The following GRIK5 variants were observed in gnomAD, a reference collection of about 807,000 sequenced individuals.
The protein encoded by GRIK5 is glutamate ionotropic receptor kainate type subunit 5.
GRIK5 carries 43 observed loss-of-function variants against 97.4 expected under a neutral mutation model. That is an observed-to-expected ratio of 0.44 (90% CI 0.35 to 0.57). The LOEUF is 0.57. Ranked by LOEUF, GRIK5 falls within the 20% of genes least tolerant of loss-of-function variation. The pLI, the probability that GRIK5 is intolerant of heterozygous loss-of-function variation, is 0.01. For synonymous variants in GRIK5, 580 were observed against 583.5 expected (o/e 0.99, Z 0.09); for missense variants, 1,015 against 1,382.0 (o/e 0.73, Z 4.21).
Position 42,062,465 on chromosome 19 carries a change from CAA to C in GRIK5, c.508+21_508+22del. The C allele has an allele frequency of 6.2e-7, 1 of 1,613,064 alleles. No homozygotes were observed. The highest frequency in any genetic ancestry group is 8.5e-7 in the Non-Finnish European group (1 of 1,179,318). On this transcript the variant is annotated intron_variant, in intron 5 of 19. Coordinates refer to ENST00000593562, the MANE Select transcript of GRIK5 (RefSeq NM_002088.5). This position sits in a 1 kb window ranked among gnomAD's most constrained non-coding sequence, Gnocchi z 5.3. ...AAGGGGTGTCTGGGGGAACAGAAAA[CAA>C]AACATTCAGTTCTCCCTCACACTCA...
chr19:42,046,950 C>G (rs113505837), intron 11 of GRIK5, among the ~76,000 whole-genome samples: 3 of 152,004 alleles, frequency 2.0e-5, no homozygotes, highest in Admixed American at 6.6e-5. Context: ...TGTAGTGGTG[C>G]AATCTCGGCT....
At position 42,021,399 on chromosome 19, in the gene GRIK5, C is replaced by T. The variant is rs759135614; in HGVS notation, c.1773G>A (p.Thr591=). ...ARPHILENQY[T]LGNSLWFPVG... is the part of the protein sequence containing the mutation. Reference sequence around the variant, plus strand: ...CGGGAAACCACAGGCTGTTGCCCAGCGTGTACTGGTTCTCCAGGATGTGGG... The same window carrying T: ...CGGGAAACCACAGGCTGTTGCCCAGTGTGTACTGGTTCTCCAGGATGTGGG... The change falls in exon 15 of 20, where the codon ACG becomes ACA. Residue 591 remains threonine, a synonymous_variant. Coordinates refer to ENST00000593562, the MANE Select transcript of GRIK5 (RefSeq NM_002088.5). This position sits in a 1 kb window ranked among gnomAD's most constrained non-coding sequence, Gnocchi z 4.2. 72 of 1,612,628 alleles carry T rather than the reference C, an allele frequency of 4.5e-5. No individual in the cohort carries two copies. The highest frequency in any genetic ancestry group is 5.4e-5 in the Non-Finnish European group (64 of 1,179,390).
rs961023401 is a variant in GRIK5 at position 42,062,188 on chromosome 19, A to G, written c.508+300T>C. Among the ~76,000 whole-genome samples the G allele has an allele frequency of 2.6e-5, 4 of 152,166 alleles. No individual in the cohort carries two copies. Among genetic ancestry groups the G allele is most frequent in the African/African-American group, 7.2e-5 (3 of 41,452 alleles). On this transcript the variant is annotated intron_variant, in intron 5 of 19. Transcript: ENST00000593562. This position sits in a 1 kb window ranked among gnomAD's most constrained non-coding sequence, Gnocchi z 5.3. ...TACCACTCTGTATCACAACAGCTCA[A>G]TGACCAATGACCTCCACTAGAACCG...
chr19:42,009,095 G>A (rs1166741602), intron 15 of GRIK5, among the ~76,000 whole-genome samples: 2 of 152,076 alleles, frequency 1.3e-5, no homozygotes, highest in African/African-American at 2.4e-5. Flanking sequence ...GGGTGTGGTG[G>A]TGCCTGCCTA....
Position 42,002,068 on chromosome 19 carries a change from C to T in GRIK5, c.2514+1264G>A, listed in dbSNP as rs1555871009. 4 of 683,542 alleles carry T rather than the reference C, an allele frequency of 5.9e-6. No homozygotes were observed. Among genetic ancestry groups the T allele is most frequent in the East Asian group, 5.4e-5 (2 of 37,000 alleles). 42.3% of individuals were successfully genotyped at this position (683,542 alleles called of 1,614,324 possible). On this transcript the variant is annotated intron_variant, in intron 19 of 19. Transcript: ENST00000593562. This position sits in a 1 kb window ranked among gnomAD's most constrained non-coding sequence, Gnocchi z 5.2. ...GAGGATTGAGAGTGACTGGCTGTGCCGAAGCCCACTGCTACCTCATATACA... is the reference window on the plus strand; with the variant it reads ...GAGGATTGAGAGTGACTGGCTGTGCTGAAGCCCACTGCTACCTCATATACA...
At chr19:42,009,550 C>CAA (rs2075534794) in intron 15 of GRIK5, among the ~76,000 whole-genome samples, 1 of 151,810 alleles carries the variant, frequency 6.6e-6, no homozygotes, top group Non-Finnish European at 1.5e-5. Flanking sequence ...GGAGGATAAC[C>CAA]TGAGTTCAGG....
In GRIK5 at chr19:42,042,622, T is replaced by C; in HGVS notation, c.1403A>G (p.Glu468Gly). The change falls in exon 12 of 20, where the codon GAG becomes GGG. Residue 468 changes from glutamate (E) to glycine (G), a missense_variant. Glu to Gly is a moderately conservative substitution (Grantham distance 98). Coordinates refer to ENST00000593562, the MANE Select transcript of GRIK5 (RefSeq NM_002088.5). The surrounding 1 kb of genome is among the most constrained non-coding windows in gnomAD (Gnocchi z 6.9). ...CTCGGGCGCCCCGTACAGCCCATCCTCCACCAACCGCAGGCGGTAGCGGAA... is the reference window on the plus strand; with the variant it reads ...CTCGGGCGCCCCGTACAGCCCATCCCCCACCAACCGCAGGCGGTAGCGGAA... ...LRFRYRLRLV[E>G]DGLYGAPEPN... The C allele has an allele frequency of 6.2e-7, 1 of 1,613,138 alleles. No individual in the cohort carries two copies. Among genetic ancestry groups the C allele is most frequent in the East Asian group, 2.2e-5 (1 of 44,872 alleles).
intron 11 of GRIK5, among the ~76,000 whole-genome samples, 161 bp downstream of exon 11, chr19:42,053,441 T>C (rs987218064): frequency 6.6e-6 from 1 of 152,198 alleles, no homozygotes; most frequent in Non-Finnish European, 1.5e-5. Context: ...GCATTTAGGA[T>C]GGTAGCACCT....
intron 15 of GRIK5, among the ~76,000 whole-genome samples, chr19:42,018,899 G>A (rs1034677886): frequency 6.6e-6 from 1 of 152,158 alleles, no homozygotes; most frequent in Admixed American, 6.5e-5. Flanking sequence ...TGAGTCCCAC[G>A]AGGGCGGGGA....
At chr19:42,007,978 TATAA>T (rs1302725839) in intron 15 of GRIK5, among the ~76,000 whole-genome samples, 1 of 152,012 alleles carries the variant, frequency 6.6e-6, no homozygotes, top group African/African-American at 2.4e-5. Flanking sequence ...AGAAAAAGTT[TATAA>T]ATACTCTGTA....
At chr19:42,057,888 A>G (rs988051996) in intron 6 of GRIK5, among the ~76,000 whole-genome samples, 2 of 152,226 alleles carry the variant, frequency 1.3e-5, no homozygotes, top group African/African-American at 4.8e-5. Flanking sequence ...TTCCTGCCAG[A>G]AGCACCCAAG....
Position 41,998,870 on chromosome 19 carries a change from G to T in GRIK5, c.*1C>A. ...GGGCGCCCGCACAGCCCCGCCCGTG[G>T]TCACTCGTGCTCCGCCAGCTCCCGG... is the stretch of plus-strand genomic sequence containing the variant. On this transcript the variant is annotated 3_prime_UTR_variant, in exon 20 of 20. Coordinates refer to ENST00000593562, the MANE Select transcript of GRIK5 (RefSeq NM_002088.5). 9.0e-7 allele frequency: 1 copy of T among 1,117,134 alleles called. No individual in the cohort carries two copies. Among genetic ancestry groups the T allele is most frequent in the East Asian group, 4.8e-5 (1 of 20,960 alleles). The allele number at this position is 1,117,134 out of a possible 1,614,324, so 69.2% of individuals were successfully genotyped here.
rs767297369 is a variant in GRIK5, at chr19:42,062,460, G to T, written c.508+28C>A. ...TTGGGAAGGGGTGTCTGGGGGAACAGAAAACAAAACATTCAGTTCTCCCTC... is the reference window on the plus strand; with the variant it reads ...TTGGGAAGGGGTGTCTGGGGGAACATAAAACAAAACATTCAGTTCTCCCTC... On this transcript the variant is annotated intron_variant, in intron 5 of 19. Transcript: ENST00000593562. This position sits in a 1 kb window ranked among gnomAD's most constrained non-coding sequence, Gnocchi z 5.3. 2.0e-5 allele frequency: 33 copies of T among 1,612,398 alleles called. No individual in the cohort carries two copies. Among genetic ancestry groups the T allele is most frequent in the Admixed American group, 1.3e-4 (8 of 59,884 alleles).
In GRIK5 at chr19:42,069,885, G is replaced by C. The variant is rs2076400352; in HGVS notation, c.-695C>G. Reference sequence around the variant, plus strand: ...CGGGAGTGGAGAGCTGGGGAGGATGGAGAGCTGGGAGACCCGGAGAGGCCA... The same window carrying C: ...CGGGAGTGGAGAGCTGGGGAGGATGCAGAGCTGGGAGACCCGGAGAGGCCA... On this transcript the variant is annotated 5_prime_UTR_variant, in exon 1 of 20. Transcript: ENST00000593562. Among the ~76,000 whole-genome samples the C allele has an allele frequency of 6.6e-6, 1 of 152,180 alleles. No individual in the cohort carries two copies. Among genetic ancestry groups the C allele is most frequent in the South Asian group, 2.1e-4 (1 of 4,838 alleles).
At position 42,065,480 on chromosome 19, in the gene GRIK5, G is replaced by T. The variant is rs2076318304; in HGVS notation, c.80-93C>A. 1 of 1,326,710 alleles carries T rather than the reference G, an allele frequency of 7.5e-7. No individual in the cohort carries two copies. The highest frequency in any genetic ancestry group is 1.0e-6 in the Non-Finnish European group (1 of 972,836). 82.2% of individuals were successfully genotyped at this position (1,326,710 alleles called of 1,614,324 possible). On this transcript the variant is annotated intron_variant, in intron 2 of 19. Coordinates refer to ENST00000593562, the MANE Select transcript of GRIK5 (RefSeq NM_002088.5). The surrounding 1 kb of genome is among the most constrained non-coding windows in gnomAD (Gnocchi z 5.8). ...ACTCCAGGGCTCTAGGGTGAGGTGG[G>T]TATACGGACCAGGGGTCTAGACACC...
chr19:42,022,478 G>A lies in GRIK5; in HGVS notation c.1474-124C>T. 6.8e-7 allele frequency: 1 copy of A among 1,480,884 alleles called. No individual in the cohort carries two copies. Among genetic ancestry groups the A allele is most frequent in the Non-Finnish European group, 9.0e-7 (1 of 1,115,090 alleles). The allele number at this position is 1,480,884 out of a possible 1,614,324, so 91.7% of individuals were successfully genotyped here. ...GGCGAGAGAGAGAGAGGTAGGGAGG[G>A]GGAGGGGCCAGGAGCATGGACTGAC... On this transcript the variant is annotated intron_variant, in intron 12 of 19. Transcript: ENST00000593562. This position sits in a 1 kb window ranked among gnomAD's most constrained non-coding sequence, Gnocchi z 4.2.
intron 5 of GRIK5, among the ~76,000 whole-genome samples, chr19:42,059,891 CCTCT>C (rs944240513): frequency 1.3e-5 from 2 of 152,018 alleles, no homozygotes; most frequent in Non-Finnish European, 2.9e-5. Context: ...ACTCTGGCTT[CCTCT>C]CTTTCACACC....
intron 11 of GRIK5, among the ~76,000 whole-genome samples, chr19:42,053,202 G>A (rs970692523): frequency 1.1e-4 from 17 of 152,276 alleles, no homozygotes; most frequent in Non-Finnish European, 1.8e-4. Context: ...GGCTGTGCCG[G>A]GTGCTTGCTG....
chr19:42,066,797 A>G (rs928393289), intron 1 of GRIK5, among the ~76,000 whole-genome samples: 3 of 152,002 alleles, frequency 2.0e-5, no homozygotes, highest in Non-Finnish European at 4.4e-5. Flanking sequence ...CAGGCGAGAC[A>G]CAGGAAGAGG....
Sources: gnomAD v4.1 joint callset for allele counts (sites outside exome capture counted in the v4.1 genomes callset) on GRCh38, gnomAD v4.1.1 for gene constraint, Gnocchi (gnomAD v3.1) non-coding constraint, MANE v1.5 for transcripts, NCBI Gene and HGNC (gene_info 2026-07-23, HGNC 2026-07-21) for gene names.